YPEL5: variants seen among roughly 807,000 people sequenced by gnomAD.
The protein encoded by YPEL5 is protein yippee-like 5.
In YPEL5, 1 loss-of-function variant was observed where a neutral mutation model predicts 10.5. The observed-to-expected ratio is 0.10, with a 90% CI of 0.03 to 0.45. The LOEUF is 0.45. YPEL5 is among the 20% of genes least tolerant of loss of function. The pLI is 0.97. For missense variants in YPEL5, 68 were observed against 159.3 expected (o/e 0.43, Z 3.09); for synonymous variants, 61 against 56.6 (o/e 1.08, Z -0.35).
intron 1 of YPEL5, among the ~76,000 whole-genome samples, chr2:30,152,563 AGCAGG>A (rs1219147707): frequency 6.6e-6 from 1 of 152,226 alleles, no homozygotes; most frequent in African/African-American, 2.4e-5. Context: ...ACAGCATGGA[AGCAGG>A]AAGGGCTGAT....
chr2:30,148,003 C>A (rs1675576213), intron 1 of YPEL5: 1 of 152,116 alleles, frequency 6.6e-6, no homozygotes, highest in Non-Finnish European at 1.5e-5. Flanking sequence ...CGGCCCAGCT[C>A]CGCCAGCTTC....
At chr2:30,154,607 A>G (rs1675955349) in intron 1 of YPEL5, among the ~76,000 whole-genome samples, 1 of 152,236 alleles carries the variant, frequency 6.6e-6, no homozygotes, top group South Asian at 2.1e-4. Flanking sequence ...CAAATAAAAC[A>G]GACATGTCCA....
At position 30,158,717 on chromosome 2, in the gene YPEL5, G is replaced by A; in HGVS notation, c.240G>A (p.Leu80=). ...DVSCKNCNSK[L]GWIYEFATED... is the part of the protein sequence containing the mutation. ...GCTGCAAAAACTGCAATAGCAAACT[G>A]GGATGGATCTATGAGTTTGCCACTG... Residue 80 remains leucine (L), a synonymous_variant, in exon 3 of 3, where the codon CTG becomes CTA. Coordinates refer to ENST00000261353, the MANE Select transcript of YPEL5 (RefSeq NM_016061.3). The A allele has an allele frequency of 6.2e-7, 1 of 1,614,196 alleles. No individual in the cohort carries two copies. The highest frequency in any genetic ancestry group is 8.5e-7 in the Non-Finnish European group (1 of 1,180,030).
At chr2:30,152,615 T>C (rs1393103320) in intron 1 of YPEL5, among the ~76,000 whole-genome samples, 2 of 152,196 alleles carry the variant, frequency 1.3e-5, no homozygotes, top group Non-Finnish European at 2.9e-5. Flanking sequence ...CTGATAGCCC[T>C]CTAATCACTA....
rs1382527283 is a variant in YPEL5 at position 30,159,487 on chromosome 2, G to C, written c.*644G>C. 1 of 152,720 alleles carries C rather than the reference G, an allele frequency of 6.5e-6. No homozygotes were observed. The highest frequency in any genetic ancestry group is 6.5e-5 in the Admixed American group (1 of 15,286). 9.5% of individuals were successfully genotyped at this position (152,720 alleles called of 1,614,324 possible). On this transcript the variant is annotated 3_prime_UTR_variant, in exon 3 of 3. Coordinates refer to ENST00000261353, the MANE Select transcript of YPEL5 (RefSeq NM_016061.3). Reference sequence around the variant, plus strand: ...TGGAAACTTTTTCTGAGATGGGACAGAACTGCTGGGTTGTCTTTTTCCATG... The same window carrying C: ...TGGAAACTTTTTCTGAGATGGGACACAACTGCTGGGTTGTCTTTTTCCATG...
intron 1 of YPEL5, among the ~76,000 whole-genome samples, chr2:30,155,371 A>G (rs1382755197): frequency 6.6e-6 from 1 of 152,234 alleles, no homozygotes; most frequent in Non-Finnish European, 1.5e-5. Flanking sequence ...TCATAGACCT[A>G]GAAGGAATGG....
chr2:30,154,700 G>A (rs1009779199), intron 1 of YPEL5, among the ~76,000 whole-genome samples: 5 of 152,112 alleles, frequency 3.3e-5, no homozygotes, highest in Non-Finnish European at 7.4e-5. Flanking sequence ...TGTAGGCCTC[G>A]AATTTGCAAC....
intron 1 of YPEL5, chr2:30,156,372 T>C: frequency 2.9e-6 from 1 of 347,426 alleles, no homozygotes; most frequent in South Asian, 5.6e-5. Flanking sequence ...GAAGTGACAC[T>C]ATTCTTTGGC....
At chr2:30,151,025 G>A (rs541353213) in intron 1 of YPEL5, among the ~76,000 whole-genome samples, 2 of 152,126 alleles carry the variant, frequency 1.3e-5, no homozygotes, top group Non-Finnish European at 2.9e-5. Context: ...CTCAGCTTGT[G>A]GGCAGTACAG....
At chr2:30,148,527 C>T (rs1675621543) in intron 1 of YPEL5, 1 of 152,244 alleles carries the variant, frequency 6.6e-6, no homozygotes, top group Admixed American at 6.5e-5. Flanking sequence ...TTATCGCATA[C>T]TTGTACTGGG....
In YPEL5 at chr2:30,152,899, T is replaced by G. The variant is rs372904739; in HGVS notation, c.-24-3729T>G. Among the ~76,000 whole-genome samples the G allele has an allele frequency of 1.8e-3, 271 of 151,370 alleles. 1 individual carries two copies. The Middle Eastern group carries it at 0.024, about 13-fold the overall frequency. ...TTAATGACTGTCCTTTGTTTTTTTT[T>G]TTTTTTTTTTGGTTTTTTTGAGACG... On this transcript the variant is annotated intron_variant, in intron 1 of 2. Transcript: ENST00000261353.
Position 30,158,857 on chromosome 2 carries a change from A to G in YPEL5, c.*14A>G. Reference sequence around the variant, plus strand: ...GATAACTCTTGAAGATACAGAGAGAAATCCATCTTTTCCCAGGTCTCCTTC... The same window carrying G: ...GATAACTCTTGAAGATACAGAGAGAGATCCATCTTTTCCCAGGTCTCCTTC... On this transcript the variant is annotated 3_prime_UTR_variant, in exon 3 of 3. Coordinates refer to ENST00000261353, the MANE Select transcript of YPEL5 (RefSeq NM_016061.3). 1 of 1,611,928 alleles carries G rather than the reference A, an allele frequency of 6.2e-7. No homozygotes were observed. Among genetic ancestry groups the G allele is most frequent in the African/African-American group, 1.3e-5 (1 of 74,996 alleles).
rs1452884156 is a variant in YPEL5, at chr2:30,158,503, C to G, written c.142-116C>G. 9.1e-6 allele frequency: 9 copies of G among 984,788 alleles called. No homozygotes were observed. The Admixed American group carries it at 1.7e-4, about 19-fold the overall frequency. 61.0% of individuals were successfully genotyped at this position (984,788 alleles called of 1,614,324 possible). A position where few individuals can be genotyped will look rare whatever the true frequency, so the allele number is the denominator to read the frequency against. ...CTTGCGTATTATAGGTTTGACTAAA[C>G]TAACAAGTTCTTTCTCCTTTTCTGA... is the stretch of plus-strand genomic sequence containing the variant. On this transcript the variant is annotated intron_variant, in intron 2 of 2. Coordinates refer to ENST00000261353, the MANE Select transcript of YPEL5 (RefSeq NM_016061.3).
chr2:30,150,713 A>G (rs1675744381), intron 1 of YPEL5, among the ~76,000 whole-genome samples: 1 of 152,154 alleles, frequency 6.6e-6, no homozygotes. Flanking sequence ...CCAAGTTTCC[A>G]TTTTTTCTGG....
chr2:30,153,537 C>T (rs999459547), intron 1 of YPEL5, among the ~76,000 whole-genome samples: 2 of 152,120 alleles, frequency 1.3e-5, no homozygotes, highest in African/African-American at 4.8e-5. Flanking sequence ...TGGATGTCAG[C>T]CTCTTGAGAG....
Position 30,159,861 on chromosome 2 carries a change from TTTGCA to T in YPEL5, c.*1022_*1026del, listed in dbSNP as rs1676207372. The stretch of plus-strand genomic sequence containing the variant: ...AGCATTTCAGCCTTTCCCCCTCAGT[TTTGCA>T]TTGATTTTTTGACAAGTCTGTAGAG... On this transcript the variant is annotated 3_prime_UTR_variant, in exon 3 of 3. Coordinates refer to ENST00000261353, the MANE Select transcript of YPEL5 (RefSeq NM_016061.3). 1 of 152,546 alleles carries T rather than the reference TTTGCA, an allele frequency of 6.6e-6. No individual in the cohort carries two copies. Among genetic ancestry groups the T allele is most frequent in the Admixed American group, 6.5e-5 (1 of 15,286 alleles). The allele number at this position is 152,546 out of a possible 1,614,324, so 9.4% of individuals were successfully genotyped here.
rs752096275 is a variant in YPEL5 at position 30,158,826 on chromosome 2, C to G, written c.349C>G (p.Pro117Ala). 1.2e-6 allele frequency: 2 copies of G among 1,614,120 alleles called. No homozygotes were observed. Among genetic ancestry groups the G allele is most frequent in the East Asian group, 2.2e-5 (1 of 44,886 alleles). The change falls in exon 3 of 3, where the codon CCA (proline) becomes GCA (alanine). Residue 117 changes from proline (P) to alanine (A), a missense_variant. Coordinates refer to ENST00000261353, the MANE Select transcript of YPEL5 (RefSeq NM_016061.3). ...RESEGFEEHV[P>A]SDNS ...GAGTGAGGGCTTTGAGGAGCATGTA[C>G]CATCTGATAACTCTTGAAGATACAG... is the stretch of plus-strand genomic sequence containing the variant.
intron 1 of YPEL5, among the ~76,000 whole-genome samples, chr2:30,151,029 A>C (rs77962651): frequency 6.6e-6 from 1 of 152,206 alleles, no homozygotes; most frequent in Non-Finnish European, 1.5e-5. Flanking sequence ...GCTTGTGGGC[A>C]GTACAGAAAC....
At chr2:30,149,371 A>C (rs890505575) in intron 1 of YPEL5, among the ~76,000 whole-genome samples, 3 of 152,224 alleles carry the variant, frequency 2.0e-5, no homozygotes, top group African/African-American at 7.2e-5. Context: ...TAAACTGGTC[A>C]CGTACTGCAA....
Sources: allele counts gnomAD v4.1 joint callset (sites outside exome capture counted in the v4.1 genomes callset), GRCh38; gene constraint gnomAD v4.1.1; transcripts MANE v1.5; gene names NCBI Gene and HGNC (gene_info 2026-07-23, HGNC 2026-07-21).